ELMO1: variants seen among roughly 807,000 people sequenced by gnomAD.
ELMO1 encodes the protein engulfment and cell motility 1.
ELMO1 carries 26 observed loss-of-function variants against 98.9 expected under a neutral mutation model. That is an observed-to-expected ratio of 0.26 (90% CI 0.19 to 0.36). The LOEUF is 0.36. ELMO1 is among the 10% of genes least tolerant of loss of function. The probability of loss-of-function intolerance (pLI) is 1.00; values close to 1 mark genes in which losing one functional copy is unlikely to be tolerated. For synonymous variants in ELMO1, 346 were observed against 346.0 expected (o/e 1.00, Z 0.00); for missense variants, 627 against 935.2 (o/e 0.67, Z 4.30).
At chr7:37,091,923 C>T (rs1784114915) in intron 15 of ELMO1, among the ~76,000 whole-genome samples, 1 of 152,122 alleles carries the variant, frequency 6.6e-6, no homozygotes, top group South Asian at 2.1e-4. Flanking sequence ...GGAAACCACA[C>T]TTACGATTTG....
chr7:37,266,692 T>C (rs995252061), intron 5 of ELMO1, among the ~76,000 whole-genome samples: 96 of 152,142 alleles, frequency 6.3e-4, no homozygotes, highest in African/African-American at 2.2e-3. Context: ...TAATTAAAAA[T>C]AATACCAGCA....
intron 13 of ELMO1, among the ~76,000 whole-genome samples, chr7:37,186,344 A>G (rs988976214): frequency 6.6e-6 from 1 of 152,224 alleles, no homozygotes; most frequent in Non-Finnish European, 1.5e-5. Flanking sequence ...GGTGAAAATT[A>G]TAAAACTATT....
intron 13 of ELMO1, among the ~76,000 whole-genome samples, chr7:37,205,538 C>T (rs1792566219): frequency 6.6e-6 from 1 of 152,084 alleles, no homozygotes; most frequent in Admixed American, 6.5e-5. Context: ...AACATAAAAA[C>T]AGCACTTCAG....
At chr7:37,304,412 T>A (rs1362136704) in intron 4 of ELMO1, among the ~76,000 whole-genome samples, 1 of 151,988 alleles carries the variant, frequency 6.6e-6, no homozygotes, top group Non-Finnish European at 1.5e-5. Flanking sequence ...TTGTGCTTGA[T>A]GGATTGAGAA....
chr7:36,961,008 C>T (rs953797054), intron 16 of ELMO1, among the ~76,000 whole-genome samples: 9 of 152,268 alleles, frequency 5.9e-5, no homozygotes, highest in African/African-American at 1.9e-4. Flanking sequence ...AACAAACTCT[C>T]GGCTCCTTAA....
chr7:37,013,338 T>C lies in ELMO1; in HGVS notation c.1398A>G (p.Thr466=). 4.3e-6 allele frequency: 7 copies of C among 1,614,084 alleles called. No individual in the cohort carries two copies. The highest frequency in any genetic ancestry group is 5.9e-6 in the Non-Finnish European group (7 of 1,179,998). The part of the protein sequence containing the change: ...FCICIQLLNK[T]WKEMRATSED... Reference sequence around the variant, plus strand: ...CAGAAGTTGCCCTCATTTCCTTCCATGTCTTGTTCAGGAGCTGGATACAGA... The same window carrying C: ...CAGAAGTTGCCCTCATTTCCTTCCACGTCTTGTTCAGGAGCTGGATACAGA... The change falls in exon 16 of 22, where the codon ACA becomes ACG. Residue 466 remains threonine, a synonymous_variant. Transcript: ENST00000310758.
At chr7:37,178,434 CAAAA>C (rs10572924) in intron 13 of ELMO1, among the ~76,000 whole-genome samples, 14 of 140,230 alleles carry the variant, frequency 1.0e-4, no homozygotes, top group Non-Finnish European at 7.7e-5. Context: ...CCCATCTCTT[CAAAA>C]AAAAAAAAAA....
At position 37,293,724 on chromosome 7, in the gene ELMO1, A is replaced by ATAAT. The variant is rs1310425121; in HGVS notation, c.192+21125_192+21126insATTA. Among the ~76,000 whole-genome samples the ATAAT allele has an allele frequency of 3.4e-3, 248 of 73,366 alleles. 11 individuals are homozygous for ATAAT. The highest frequency in any genetic ancestry group is 9.2e-3 in the African/African-American group (243 of 26,484). 48.1% of individuals were successfully genotyped at this position (73,366 alleles called of 152,430 possible). A position where few individuals can be genotyped will look rare whatever the true frequency, so the allele number is the denominator to read the frequency against. On this transcript the variant is annotated intron_variant, in intron 4 of 21. Coordinates refer to ENST00000310758, the MANE Select transcript of ELMO1 (RefSeq NM_014800.11). ...ACCCAAGAATGATCAATAAAAAAAAAAATAATAATAATAATAAAAAAAAAG... is the reference window on the plus strand; with the variant it reads ...ACCCAAGAATGATCAATAAAAAAAAATAATAATAATAATAATAATAAAAAAAAAG...
At chr7:37,234,177 T>C (rs748677560) in intron 7 of ELMO1, among the ~76,000 whole-genome samples, 5 of 152,208 alleles carry the variant, frequency 3.3e-5, no homozygotes, top group Non-Finnish European at 5.9e-5. Flanking sequence ...CTGTACACTG[T>C]ATTATGTAAC....
chr7:37,092,576 C>T (rs769143381), intron 15 of ELMO1, among the ~76,000 whole-genome samples: 1 of 148,362 alleles, frequency 6.7e-6, no homozygotes, highest in Non-Finnish European at 1.5e-5. Flanking sequence ...TGGGTTTCAC[C>T]GTGTTAGACA....
intron 15 of ELMO1, among the ~76,000 whole-genome samples, chr7:37,044,981 A>T (rs1178255973): frequency 6.6e-6 from 1 of 152,220 alleles, no homozygotes; most frequent in Non-Finnish European, 1.5e-5. Context: ...AAGTGGCTAT[A>T]CAGCTAAGCT....
rs958889666 is a variant in ELMO1 at position 36,926,412 on chromosome 7, A to AT, written c.1438-31396dup. On this transcript the variant is annotated intron_variant, in intron 16 of 21. Coordinates refer to ENST00000310758, the MANE Select transcript of ELMO1 (RefSeq NM_014800.11). ...TTTGAATTTTTAAACCTAGGTGGGC[A>AT]TTTTTTTCTTTGTTCTTCAGTATTG... is the stretch of plus-strand genomic sequence containing the variant. Among the ~76,000 whole-genome samples, 3 of 152,180 alleles carry AT rather than the reference A, an allele frequency of 2.0e-5. No homozygotes were observed. In the East Asian group the frequency reaches 5.8e-4, roughly 29 times the overall value.
At chr7:36,938,358 G>A (rs1406805974) in intron 16 of ELMO1, among the ~76,000 whole-genome samples, 2 of 152,154 alleles carry the variant, frequency 1.3e-5, no homozygotes, top group South Asian at 4.1e-4. Flanking sequence ...ACCACATGTG[G>A]GTGGGTCAAC....
intron 15 of ELMO1, among the ~76,000 whole-genome samples, chr7:37,075,564 T>G (rs1229655435): frequency 6.6e-6 from 1 of 152,214 alleles, no homozygotes; most frequent in Non-Finnish European, 1.5e-5. Context: ...TCCAGGAGGA[T>G]GAGACCAAGG....
chr7:37,072,709 T>C (rs769793523), intron 15 of ELMO1, among the ~76,000 whole-genome samples: 4 of 152,180 alleles, frequency 2.6e-5, no homozygotes, highest in Non-Finnish European at 4.4e-5. Flanking sequence ...TGCGTCACCA[T>C]TAACTAGGAG....
chr7:36,855,210 C>T lies in ELMO1; in HGVS notation c.*341G>A. On this transcript the variant is annotated 3_prime_UTR_variant, in exon 22 of 22. Coordinates refer to ENST00000310758, the MANE Select transcript of ELMO1 (RefSeq NM_014800.11). This position sits in a 1 kb window ranked among gnomAD's most constrained non-coding sequence, Gnocchi z 4.2. Reference sequence around the variant, plus strand: ...TTTTTGGGCAGTCTGGGGCTGCTGGCTTTCCTGCCCAAGGGAAGGAAGGGC... The same window carrying T: ...TTTTTGGGCAGTCTGGGGCTGCTGGTTTTCCTGCCCAAGGGAAGGAAGGGC... 3.0e-6 allele frequency: 1 copy of T among 329,258 alleles called. No individual in the cohort carries two copies. Among genetic ancestry groups the T allele is most frequent in the Non-Finnish European group, 5.8e-6 (1 of 173,040 alleles). The allele number at this position is 329,258 out of a possible 1,614,324, so 20.4% of individuals were successfully genotyped here. A position where few individuals can be genotyped will look rare whatever the true frequency, so the allele number is the denominator to read the frequency against.
chr7:37,227,264 G>A (rs887781767), intron 8 of ELMO1, among the ~76,000 whole-genome samples: 1 of 152,116 alleles, frequency 6.6e-6, no homozygotes, highest in South Asian at 2.1e-4. Context: ...TTTATTTTAT[G>A]TTCAAGTTTT....
intron 1 of ELMO1, among the ~76,000 whole-genome samples, chr7:37,401,346 G>A (rs1803518544): frequency 6.6e-6 from 1 of 152,188 alleles, no homozygotes; most frequent in African/African-American, 2.4e-5. Flanking sequence ...AGCAGAAGCA[G>A]GAAGGTCACT....
chr7:37,349,208 C>T (rs764794570), intron 1 of ELMO1, among the ~76,000 whole-genome samples: 10 of 152,266 alleles, frequency 6.6e-5, no homozygotes, highest in Non-Finnish European at 8.8e-5. Flanking sequence ...TCCTCTGTCC[C>T]GCTAAGTCAT....
Sources: gnomAD v4.1 joint callset for allele counts (sites outside exome capture counted in the v4.1 genomes callset) on GRCh38, gnomAD v4.1.1 for gene constraint, Gnocchi (gnomAD v3.1) non-coding constraint, MANE v1.5 for transcripts, NCBI Gene and HGNC (gene_info 2026-07-23, HGNC 2026-07-21) for gene names.